The following MAP4 variants were observed in gnomAD, a reference collection of about 807,000 sequenced individuals.
MAP4 encodes microtubule associated protein 4, also known as microtubule-associated protein 4.
In MAP4, 76 loss-of-function variants were observed where a neutral mutation model predicts 170.2. The ratio of observed to expected loss-of-function variants is 0.45; its 90% CI spans 0.37 to 0.54. The LOEUF is 0.54. Ranked by LOEUF, MAP4 falls within the 20% of genes least tolerant of loss-of-function variation. The probability of loss-of-function intolerance (pLI) is 0.00; values close to 1 mark genes in which losing one functional copy is unlikely to be tolerated. For synonymous variants in MAP4, 909 were observed against 994.5 expected, an observed-to-expected ratio of 0.91 and a Z score of 1.62; for missense variants, 2,506 against 2,748.0, an observed-to-expected ratio of 0.91 and a Z score of 1.97.
intron 1 of MAP4, among the ~76,000 whole-genome samples, chr3:48,038,618 G>A (rs915610702): frequency 5.3e-5 from 8 of 151,928 alleles, no homozygotes; most frequent in Admixed American, 1.3e-4. Flanking sequence ...CTGCCACCAC[G>A]CCCAGCTAAT....
chr3:48,069,666 A>G (rs2100140027), intron 1 of MAP4, among the ~76,000 whole-genome samples: 1 of 152,186 alleles, frequency 6.6e-6, no homozygotes, highest in African/African-American at 2.4e-5. Context: ...AATATCTTTC[A>G]AACATTTTTT....
At chr3:47,891,343 A>G (rs1482375521) in intron 10 of MAP4, 1 of 1,536,070 alleles carries the variant, frequency 6.5e-7, no homozygotes, top group South Asian at 1.2e-5. Flanking sequence ...AGATGAAAGG[A>G]GGTATCTCTT....
At chr3:47,927,785 T>G (rs1472997654) in intron 4 of MAP4, among the ~76,000 whole-genome samples, 4 of 152,152 alleles carry the variant, frequency 2.6e-5, no homozygotes, top group Non-Finnish European at 5.9e-5. Context: ...TGTTTTTAAT[T>G]TTATAGAAAG....
At position 47,964,374 on chromosome 3, in the gene MAP4, C is replaced by T. The variant is rs184221183; in HGVS notation, c.292+13491G>A. Reference sequence around the variant, plus strand: ...TCAGGTTCCAAATATCTTTTTCTGACAAACTGGGTGTGGGGTGTGAGAGGA... The same window carrying T: ...TCAGGTTCCAAATATCTTTTTCTGATAAACTGGGTGTGGGGTGTGAGAGGA... On this transcript the variant is annotated intron_variant, in intron 3 of 20. Coordinates refer to ENST00000683076, the MANE Select transcript of MAP4 (RefSeq NM_001385682.1). Among the ~76,000 whole-genome samples, 4 of 152,208 alleles carry T rather than the reference C, an allele frequency of 2.6e-5. No individual in the cohort carries two copies. The East Asian group carries it at 7.7e-4, about 29-fold the overall frequency.
intron 10 of MAP4, among the ~76,000 whole-genome samples, chr3:47,881,497 T>TATATGC (rs2096756326): frequency 1.0e-5 from 1 of 98,836 alleles, no homozygotes; most frequent in Non-Finnish European, 2.1e-5. Flanking sequence ...TATATATATA[T>TATATGC]GCATAATCAT....
Position 47,857,519 on chromosome 3 carries a change from A to G in MAP4, c.6502-7T>C. 1 of 1,600,746 alleles carries G rather than the reference A, an allele frequency of 6.2e-7. No individual in the cohort carries two copies. Among genetic ancestry groups the G allele is most frequent in the Non-Finnish European group, 8.6e-7 (1 of 1,167,748 alleles). On this transcript the variant is annotated splice_polypyrimidine_tract_variant and splice_region_variant and intron_variant, in intron 17 of 20. Coordinates refer to ENST00000683076, the MANE Select transcript of MAP4 (RefSeq NM_001385682.1). ...TCTTGTTCTGAATCTGAACCTGAAGAGAAGGACACAAAAGACTCATTCAGA... is the reference window on the plus strand; with the variant it reads ...TCTTGTTCTGAATCTGAACCTGAAGGGAAGGACACAAAAGACTCATTCAGA...
chr3:47,958,167 G>A (rs1037745400), intron 3 of MAP4, among the ~76,000 whole-genome samples: 1 of 152,144 alleles, frequency 6.6e-6, no homozygotes, highest in Non-Finnish European at 1.5e-5. Context: ...AAGCAAGGAG[G>A]ACTATGTCTG....
intron 1 of MAP4, among the ~76,000 whole-genome samples, chr3:48,043,961 T>C (rs1413087722): frequency 6.6e-6 from 1 of 152,100 alleles, no homozygotes; most frequent in African/African-American, 2.4e-5. Flanking sequence ...TTCTCCTGCC[T>C]CAGCCTCCTG....
At chr3:47,887,391 C>G (rs907120014) in intron 10 of MAP4, among the ~76,000 whole-genome samples, 6 of 152,202 alleles carry the variant, frequency 3.9e-5, no homozygotes, top group African/African-American at 1.4e-4. Context: ...CCAGCAGTGC[C>G]GGCCCATAAG....
intron 2 of MAP4, among the ~76,000 whole-genome samples, chr3:47,995,454 T>C (rs1339090808): frequency 1.3e-5 from 2 of 152,146 alleles, no homozygotes; most frequent in Non-Finnish European, 2.9e-5. Flanking sequence ...TTTCACCATG[T>C]TGGCCAGGCT....
At chr3:47,868,252 T>C (rs557670581) in intron 16 of MAP4, among the ~76,000 whole-genome samples, 3 of 152,336 alleles carry the variant, frequency 2.0e-5, no homozygotes, top group African/African-American at 7.2e-5. Flanking sequence ...GCCAACTTCC[T>C]TTCTTTGCAA....
At chr3:47,974,069 T>C in intron 3 of MAP4, 1 of 985,252 alleles carries the variant, frequency 1.0e-6, no homozygotes, top group Non-Finnish European at 1.2e-6. Context: ...GGATTCAGTT[T>C]AAACTTTCAT....
intron 1 of MAP4, among the ~76,000 whole-genome samples, chr3:48,057,472 C>T (rs7634824): frequency 1.5e-5 from 2 of 130,496 alleles, no homozygotes; most frequent in East Asian, 2.1e-4. Flanking sequence ...ACAAACACTG[C>T]GGAAGGCCGC....
intron 1 of MAP4, among the ~76,000 whole-genome samples, chr3:48,077,993 T>C (rs1009150652): frequency 2.6e-5 from 4 of 152,102 alleles, no homozygotes; most frequent in African/African-American, 7.2e-5. Context: ...AGGAAGATGA[T>C]TAGTGGTTGC....
intron 1 of MAP4, among the ~76,000 whole-genome samples, chr3:48,068,515 T>A (rs1378244976): frequency 6.6e-6 from 1 of 152,020 alleles, no homozygotes; most frequent in Non-Finnish European, 1.5e-5. Context: ...ACTGGCCAGG[T>A]GTGGTGGCTC....
At position 47,914,946 on chromosome 3, in the gene MAP4, G is replaced by A. The variant is rs1381181566; in HGVS notation, c.1877-7C>T. On this transcript the variant is annotated splice_region_variant and splice_polypyrimidine_tract_variant and intron_variant, in intron 7 of 20. Transcript: ENST00000683076. ...CCCGTTCCTGTGACGGTTTCTAAAGGTAATAACAAAAGCCACACACGTTTC... is the reference window on the plus strand; with the variant it reads ...CCCGTTCCTGTGACGGTTTCTAAAGATAATAACAAAAGCCACACACGTTTC... The A allele has an allele frequency of 6.2e-7, 1 of 1,613,898 alleles. No homozygotes were observed. The highest frequency in any genetic ancestry group is 8.5e-7 in the Non-Finnish European group (1 of 1,179,974).
At chr3:47,983,679 C>T (rs1191906145) in intron 2 of MAP4, among the ~76,000 whole-genome samples, 3 of 152,034 alleles carry the variant, frequency 2.0e-5, no homozygotes, top group Non-Finnish European at 2.9e-5. Context: ...TGAGCCACCA[C>T]GCCCAGACAA....
chr3:48,024,362 C>T lies in MAP4; in HGVS notation c.-19-25483G>A, dbSNP rs375692115. Among the ~76,000 whole-genome samples, 13 of 151,896 alleles carry T rather than the reference C, an allele frequency of 8.6e-5. No homozygotes were observed. The East Asian group carries it at 1.9e-3, about 23-fold the overall frequency. On this transcript the variant is annotated intron_variant, in intron 1 of 18. Transcript: ENST00000360240. ...TAAAAATGTACAAAATGAAAGGGAC[C>T]GTGGCAAAGATGGGGATTCTGTTTC...
chr3:48,083,204 T>G (rs1253793603), intron 1 of MAP4, among the ~76,000 whole-genome samples: 6 of 152,156 alleles, frequency 3.9e-5, no homozygotes, highest in African/African-American at 1.4e-4. Context: ...TTAATTTTGA[T>G]AAGGGTATCA....
Sources: allele counts gnomAD v4.1 joint callset (sites outside exome capture counted in the v4.1 genomes callset), GRCh38; gene constraint gnomAD v4.1.1; transcripts MANE v1.5; gene names NCBI Gene and HGNC (gene_info 2026-07-23, HGNC 2026-07-21).